SMG5: variants seen among roughly 807,000 people sequenced by gnomAD.
SMG5 encodes nonsense-mediated mRNA decay factor SMG5.
SMG5 carries 53 observed loss-of-function variants against 122.9 expected under a neutral mutation model. The ratio of observed to expected loss-of-function variants is 0.43; its 90% CI spans 0.35 to 0.54. The LOEUF (loss-of-function observed/expected upper bound fraction) is 0.54, where lower values mean the gene tolerates loss of function less well. Ranked by LOEUF, SMG5 falls within the 20% of genes least tolerant of loss-of-function variation. The pLI, the probability that SMG5 is intolerant of heterozygous loss-of-function variation, is 0.01. For synonymous variants in SMG5, 477 were observed against 490.2 expected, an observed-to-expected ratio of 0.97 and a Z score of 0.35; for missense variants, 1,153 against 1,285.6, an observed-to-expected ratio of 0.90 and a Z score of 1.58.
At chr1:156,291,306 TC>T in the SMG5 span, 13 of 1,342,086 alleles carry the variant, frequency 9.7e-6, no homozygotes, top group South Asian at 3.7e-5. Flanking sequence ...CCCTATCTAC[TC>T]CCCCCACCGT....
At chr1:156,285,062 A>G, upstream of SMG5, 1 of 696,372 alleles carries the variant, frequency 1.4e-6, no homozygotes, top group African/African-American at 1.8e-5. Context: ...CGTTCTCCCT[A>G]AGGCTCCAGA....
In SMG5 at chr1:156,265,771, G is replaced by A. The variant is rs780653051; in HGVS notation, c.1855+10C>T. 5.6e-6 allele frequency: 9 copies of A among 1,610,942 alleles called. No homozygotes were observed. The highest frequency in any genetic ancestry group is 3.3e-4 in the Middle Eastern group (2 of 6,040). On this transcript the variant is annotated intron_variant, in intron 12 of 21. Transcript: ENST00000361813. ...CGGACCAGAACAGGATGATGAAGTG[G>A]TCCAAATACCTGGCTCTGAAGGCTT...
chr1:156,290,021 T>G, the SMG5 span: 1 of 152,204 alleles, frequency 6.6e-6, no homozygotes. Flanking sequence ...TGGACCAGTC[T>G]TACTTAACCC....
intron 20 of SMG5, 115 bp downstream of exon 20, chr1:156,251,288 G>T: frequency 8.0e-7 from 1 of 1,247,006 alleles, no homozygotes; most frequent in Non-Finnish European, 1.2e-6. Flanking sequence ...GAGGGCCCTG[G>T]CAGGCTACGT....
rs1464990438 is a variant in SMG5 at position 156,277,076 on chromosome 1, T to C, written c.454+9A>G. The stretch of plus-strand genomic sequence containing the variant: ...ACCTGCTCAAGTCCACCTTTCAGGT[T>C]CCACTGACCTATGAGGGGGTCAGTG... On this transcript the variant is annotated intron_variant, in intron 4 of 21. Coordinates refer to ENST00000361813, the MANE Select transcript of SMG5 (RefSeq NM_015327.3). 3 of 1,610,232 alleles carry C rather than the reference T, an allele frequency of 1.9e-6. No individual in the cohort carries two copies. In the African/African-American group the frequency reaches 4.0e-5, roughly 22 times the overall value.
chr1:156,260,118 G>T (rs749561370), intron 15 of SMG5, among the ~76,000 whole-genome samples: 2 of 152,146 alleles, frequency 1.3e-5, no homozygotes, highest in African/African-American at 4.8e-5. Flanking sequence ...CTCGGAGCAG[G>T]CTGGGCCCAG....
chr1:156,261,521 G>C, intron 13 of SMG5, 113 bp from the exon 14 acceptor site: 1 of 799,494 alleles, frequency 1.3e-6, no homozygotes, highest in Non-Finnish European at 2.0e-6. Context: ...AGGCCTGTGG[G>C]GGTTTGATTT....
rs767216304 is a variant in SMG5 at position 156,277,972 on chromosome 1, T to A, written c.250A>T (p.Arg84Ter). 1 of 1,614,064 alleles carries A rather than the reference T, an allele frequency of 6.2e-7. No individual in the cohort carries two copies. Among genetic ancestry groups the A allele is most frequent in the Non-Finnish European group, 8.5e-7 (1 of 1,180,032 alleles). ...YGRKAEELLW[R>*]KVYYEVIQLI... is the part of the protein sequence containing the mutation. ...TGGATAACTTCATAGTATACCTTTC[T>A]CCACAGCAGCTCCTCAGCCTTTCTC... The change falls in exon 3 of 22, where the codon AGA (arginine) becomes TGA (stop). Residue 84 changes from arginine to a stop codon, truncating the protein, a stop_gained. Transcript: ENST00000361813. LOFTEE classifies it high-confidence loss of function.
In SMG5 at chr1:156,267,580, G is replaced by T. The variant is rs1012649128; in HGVS notation, c.1007C>A (p.Ala336Asp). The T allele has an allele frequency of 1.9e-6, 3 of 1,613,928 alleles. No individual in the cohort carries two copies. The highest frequency in any genetic ancestry group is 1.7e-6 in the Non-Finnish European group (2 of 1,180,000). Residue 336 changes from alanine (A) to aspartate (D), a missense_variant, in exon 10 of 22, where the codon GCC (alanine) becomes GAC (aspartate). This residue lies in a region of SMG5 where 631 missense variants were observed against 650.6 expected (regional missense o/e 0.97). Coordinates refer to ENST00000361813, the MANE Select transcript of SMG5 (RefSeq NM_015327.3). ...CTCATACTCCTCCTCATCCTCACTG[G>T]CCAGGCTGAGGTTGGGTGAGGAGGG... ...YLPSSPNLSL[A>D]SEDEEEYESG...
upstream of SMG5, chr1:156,286,009 A>G (rs1019595765): frequency 6.3e-7 from 1 of 1,579,488 alleles, no homozygotes; most frequent in Non-Finnish European, 8.6e-7. Flanking sequence ...GAAAGGGGGC[A>G]TCGGGAAGTG....
Position 156,260,481 on chromosome 1 carries a change from C to A in SMG5, c.2253G>T (p.Thr751=), listed in dbSNP as rs35831149. ...CTAAGGTGCTGAGCAGGGGCCGATC[C>A]GTGTCAAAGTTAAAGCGTCTGTGGG... ...RAAHRRFNFD[T]DRPLLSTLEE... Residue 751 remains threonine (T), a synonymous_variant, in exon 15 of 22, where the codon ACG becomes ACT. Coordinates refer to ENST00000361813, the MANE Select transcript of SMG5 (RefSeq NM_015327.3). The A allele has an allele frequency of 6.3e-7, 1 of 1,594,404 alleles. No individual in the cohort carries two copies. The highest frequency in any genetic ancestry group is 8.5e-7 in the Non-Finnish European group (1 of 1,173,114).
In SMG5 at chr1:156,274,760, G is replaced by A. The variant is rs1336493747; in HGVS notation, c.455-74C>T. 10 of 1,203,728 alleles carry A rather than the reference G, an allele frequency of 8.3e-6. No individual in the cohort carries two copies. In the Admixed American group the frequency reaches 1.2e-4, roughly 15 times the overall value. 74.6% of individuals were successfully genotyped at this position (1,203,728 alleles called of 1,614,324 possible). A position where few individuals can be genotyped will look rare whatever the true frequency, so the allele number is the denominator to read the frequency against. ...CGCACCTATGAAGAAATACCCCTCC[G>A]AGATGTAGAGACTAAGAATCCAGGG... On this transcript the variant is annotated intron_variant, in intron 4 of 21. Transcript: ENST00000361813.
At chr1:156,283,119 C>T (rs1304072215), upstream of SMG5, 1 of 335,844 alleles carries the variant, frequency 3.0e-6, no homozygotes, top group African/African-American at 2.2e-5. Flanking sequence ...TCATTTGGTC[C>T]ATCCTTCTGC....
At chr1:156,272,487 G>A in intron 6 of SMG5, 89 bp from the exon 7 acceptor site, 1 of 1,088,976 alleles carries the variant, frequency 9.2e-7, no homozygotes, top group Non-Finnish European at 1.4e-6. Flanking sequence ...CAGAGAACCT[G>A]TAGGGAGAAC....
rs1474828514 is a variant in SMG5, at chr1:156,278,950, A to G, written c.159T>C (p.Ile53=). The G allele has an allele frequency of 1.9e-6, 3 of 1,613,976 alleles. No homozygotes were observed. In the Admixed American group the frequency reaches 5.0e-5, roughly 27 times the overall value. ...AYQEVFKPEN[I]SLRNKLRELC... is the part of the protein sequence containing the mutation. ...CTCTAGCTTACTTGTTCCTCAGGCT[A>G]ATGTTTTCTGGTTTGAATACTTCTT... is the stretch of plus-strand genomic sequence containing the variant. The change falls in exon 2 of 22, where the codon ATT becomes ATC. Residue 53 remains isoleucine (I), a synonymous_variant. Transcript: ENST00000361813.
chr1:156,277,023 G>C, intron 4 of SMG5, 62 bp downstream of exon 4: 1 of 1,552,086 alleles, frequency 6.4e-7, no homozygotes, highest in Non-Finnish European at 8.8e-7. Context: ...GAACCCTGAG[G>C]GATAAGGCCA....
At chr1:156,252,838 G>C (rs1220567939) in intron 18 of SMG5, 81 bp downstream of exon 18, 1 of 1,402,152 alleles carries the variant, frequency 7.1e-7, no homozygotes, top group East Asian at 2.5e-5. Flanking sequence ...TATAAACTGG[G>C]CCCCAAATAA....
Position 156,276,379 on chromosome 1 carries a change from G to A in SMG5, c.454+706C>T, listed in dbSNP as rs141883748. Among the ~76,000 whole-genome samples the A allele has an allele frequency of 6.2e-3, 941 of 152,140 alleles. 9 individuals are homozygous for A. Among genetic ancestry groups the A allele is most frequent in the Non-Finnish European group, 9.7e-3 (658 of 68,000 alleles). ...TGACCTCAGGTGATCCACCTGCCTC[G>A]GCCTCTCAAAGTGCTGGGATTACAG... On this transcript the variant is annotated intron_variant, in intron 4 of 21. Transcript: ENST00000361813.
intron 16 of SMG5, among the ~76,000 whole-genome samples, chr1:156,255,917 A>G (rs1385571940): frequency 6.6e-6 from 1 of 152,120 alleles, no homozygotes; most frequent in East Asian, 1.9e-4. Context: ...AAAAGAAAAA[A>G]AATTCTCATT....
Sources: allele counts gnomAD v4.1 joint callset (sites outside exome capture counted in the v4.1 genomes callset), GRCh38; gene constraint gnomAD v4.1.1; regional missense constraint gnomAD v4.1.1; transcripts MANE v1.5; gene names NCBI Gene and HGNC (gene_info 2026-07-23, HGNC 2026-07-21).